The following GLIS1 variants were observed in gnomAD, a reference collection of about 807,000 sequenced individuals.
GLIS1 encodes GLIS family zinc finger 1.
GLIS1 carries 24 observed loss-of-function variants against 63.8 expected under a neutral mutation model. That is an observed-to-expected ratio of 0.38 (90% CI 0.27 to 0.53). The LOEUF (loss-of-function observed/expected upper bound fraction) is 0.53, where lower values mean the gene tolerates loss of function less well. Among genes scored for constraint, GLIS1 ranks in the 20% least tolerant of loss-of-function variants. The probability of loss-of-function intolerance (pLI) is 0.85; values close to 1 mark genes in which losing one functional copy is unlikely to be tolerated. For synonymous variants in GLIS1, 450 were observed against 482.5 expected (o/e 0.93, Z 0.88); for missense variants, 1,036 against 1,074.1 (o/e 0.96, Z 0.50).
rs531429272 is a variant in GLIS1, at chr1:53,681,045, G to A, written c.259+56761C>T. Among the ~76,000 whole-genome samples, 4 of 152,298 alleles carry A rather than the reference G, an allele frequency of 2.6e-5. No homozygotes were observed. The South Asian group carries it at 6.2e-4, about 24-fold the overall frequency. ...TTTCCAGGGCCTTCAGCCTGACTGC[G>A]CTGATACTATCTGCCAGGGTCAGAG... On this transcript the variant is annotated intron_variant, in intron 2 of 10. Transcript: ENST00000628545.
intron 4 of GLIS1, among the ~76,000 whole-genome samples, chr1:53,535,407 C>T (rs775532399): frequency 9.2e-5 from 14 of 152,002 alleles, no homozygotes; most frequent in East Asian, 5.8e-4. Flanking sequence ...TGGGCTGGAC[C>T]GGTGCAGGAG....
intron 4 of GLIS1, among the ~76,000 whole-genome samples, chr1:53,557,536 G>T (rs1402144423): frequency 6.6e-6 from 1 of 152,174 alleles, no homozygotes; most frequent in Non-Finnish European, 1.5e-5. Context: ...GGCGGCAAGG[G>T]CAGCAGCAGG....
intron 5 of GLIS1, among the ~76,000 whole-genome samples, chr1:53,527,125 CCTACA>C (rs1644478541): frequency 6.6e-6 from 1 of 152,358 alleles, no homozygotes; most frequent in African/African-American, 2.4e-5. Context: ...GAAACTGAGA[CCTACA>C]TTTTGCCCAA....
intron 2 of GLIS1, among the ~76,000 whole-genome samples, chr1:53,601,768 C>A (rs373779140): frequency 1.3e-5 from 2 of 152,212 alleles, no homozygotes; most frequent in Non-Finnish European, 2.9e-5. Flanking sequence ...TAATAAGAAG[C>A]CTTTTAGAGA....
intron 2 of GLIS1, among the ~76,000 whole-genome samples, chr1:53,658,245 C>G (rs1406067771): frequency 6.6e-6 from 1 of 152,146 alleles, no homozygotes; most frequent in Non-Finnish European, 1.5e-5. Flanking sequence ...TCCTATGGAC[C>G]CTTTTAGCCT....
chr1:53,513,875 A>G (rs1644322330), intron 8 of GLIS1, among the ~76,000 whole-genome samples: 2 of 152,242 alleles, frequency 1.3e-5, no homozygotes, highest in South Asian at 4.1e-4. Context: ...GGCTGTAGCC[A>G]GGAGGAGGAA....
intron 4 of GLIS1, among the ~76,000 whole-genome samples, chr1:53,534,085 T>C (rs561664): frequency 0.16 from 24,695 of 151,674 alleles, 4,321 homozygotes; most frequent in East Asian, 0.5. Context: ...TTGGGGTGGG[T>C]GTGGCTTGAA....
At chr1:53,705,267 C>G (rs573634307) in intron 2 of GLIS1, among the ~76,000 whole-genome samples, 17 of 152,250 alleles carry the variant, frequency 1.1e-4, no homozygotes, top group African/African-American at 3.6e-4. Flanking sequence ...TCCTGGCGAG[C>G]GGCAGATACA....
intron 2 of GLIS1, among the ~76,000 whole-genome samples, chr1:53,708,295 G>C (rs1646602359): frequency 6.6e-6 from 1 of 151,888 alleles, no homozygotes; most frequent in Non-Finnish European, 1.5e-5. Context: ...AAAAAAAAAA[G>C]AAAGGAAAGC....
At chr1:53,709,405 T>TACACACAC (rs780900347) in intron 2 of GLIS1, among the ~76,000 whole-genome samples, 66 of 117,182 alleles carry the variant, frequency 5.6e-4, no homozygotes, top group African/African-American at 2.9e-3. Context: ...CATATACATA[T>TACACACAC]ATATATACAC....
chr1:53,516,167 G>A (rs1366456038), intron 7 of GLIS1, among the ~76,000 whole-genome samples: 2 of 152,112 alleles, frequency 1.3e-5, no homozygotes, highest in Admixed American at 6.5e-5. Flanking sequence ...CACCAGGGCA[G>A]CTGTTACATG....
At chr1:53,554,213 C>A (rs1452558462) in intron 4 of GLIS1, among the ~76,000 whole-genome samples, 5 of 152,232 alleles carry the variant, frequency 3.3e-5, no homozygotes, top group Non-Finnish European at 7.3e-5. Flanking sequence ...ATCCCCCAAA[C>A]AACGGAGACA....
intron 2 of GLIS1, among the ~76,000 whole-genome samples, chr1:53,635,729 G>A (rs1645716577): frequency 6.6e-6 from 1 of 152,094 alleles, no homozygotes. Flanking sequence ...GAAAGAAGGA[G>A]GAGGCACAAA....
At chr1:53,524,720 G>A in intron 6 of GLIS1, 57 bp downstream of exon 6, 1 of 1,269,648 alleles carries the variant, frequency 7.9e-7, no homozygotes, top group Non-Finnish European at 1.1e-6. Context: ...CACCTGGCCT[G>A]ATGCGGTGCA....
At chr1:53,665,555 A>G (rs892859991) in intron 2 of GLIS1, among the ~76,000 whole-genome samples, 2 of 152,150 alleles carry the variant, frequency 1.3e-5, no homozygotes, top group African/African-American at 4.8e-5. Context: ...AGGCTGAGGG[A>G]GGAGGATCGC....
chr1:53,600,232 C>G lies in GLIS1; in HGVS notation c.306G>C (p.Leu102=), dbSNP rs1014427146. Residue 102 remains leucine (L), a synonymous_variant, in exon 3 of 11, where the codon CTG becomes CTC. Transcript: ENST00000628545. ...GHRTPGSEKS[L]LDLDLAEGPG... is the part of the protein sequence containing the mutation. The stretch of plus-strand genomic sequence containing the variant: ...GGCCCTCAGCAAGGTCCAGGTCCAG[C>G]AGGCTCTTCTCTGAGCCCGGGGTAC... 1 of 1,232,054 alleles carries G rather than the reference C, an allele frequency of 8.1e-7. No individual in the cohort carries two copies. The highest frequency in any genetic ancestry group is 1.6e-5 in the African/African-American group (1 of 64,402). The allele number at this position is 1,232,054 out of a possible 1,614,324, so 76.3% of individuals were successfully genotyped here.
chr1:53,508,062 C>A (rs573936021), intron 10 of GLIS1, among the ~76,000 whole-genome samples: 4 of 152,360 alleles, frequency 2.6e-5, no homozygotes, highest in African/African-American at 9.6e-5. Context: ...CACGTGCACA[C>A]AAGCACACGT....
At position 53,560,786 on chromosome 1, in the gene GLIS1, G is replaced by A. The variant is rs1644878613; in HGVS notation, c.1321-30834C>T. On this transcript the variant is annotated intron_variant, in intron 4 of 10. Transcript: ENST00000628545. The surrounding 1 kb of genome is among the most constrained non-coding windows in gnomAD (Gnocchi z 4.4). ...CTCAGAAGTGGCCCACGACAGTGGC[G>A]ATGAGTCCTTGGACTCCACCCATAC... Among the ~76,000 whole-genome samples the A allele has an allele frequency of 6.6e-6, 1 of 152,168 alleles. No individual in the cohort carries two copies. The highest frequency in any genetic ancestry group is 2.1e-4 in the South Asian group (1 of 4,822).
intron 2 of GLIS1, among the ~76,000 whole-genome samples, chr1:53,682,912 G>A (rs1440306547): frequency 6.6e-6 from 1 of 152,130 alleles, no homozygotes; most frequent in African/African-American, 2.4e-5. Flanking sequence ...AATAATACAC[G>A]ATCAACTCTG....
Sources: gnomAD v4.1 joint callset for allele counts (sites outside exome capture counted in the v4.1 genomes callset) on GRCh38, gnomAD v4.1.1 for gene constraint, Gnocchi (gnomAD v3.1) non-coding constraint, MANE v1.5 for transcripts, NCBI Gene and HGNC (gene_info 2026-07-23, HGNC 2026-07-21) for gene names.